The following GRIN2B variants were observed in gnomAD, a reference collection of about 807,000 sequenced individuals.
GRIN2B encodes glutamate ionotropic receptor NMDA type subunit 2B.
A neutral mutation model predicts 114.5 loss-of-function variants in GRIN2B; 5 were observed. That is an observed-to-expected ratio of 0.04 (90% CI 0.02 to 0.09). The LOEUF is 0.09. Among genes scored for constraint, GRIN2B ranks in the 10% least tolerant of loss-of-function variants. The pLI is 1.00. For synonymous variants in GRIN2B, 787 were observed against 745.1 expected (o/e 1.06, Z -0.92); for missense variants, 1,108 against 1,943.5 (o/e 0.57, Z 8.08).
At chr12:13,575,685 TAATAATAATAATCAA>T (rs1336501603) in intron 10 of GRIN2B, among the ~76,000 whole-genome samples, 2 of 150,328 alleles carry the variant, frequency 1.3e-5, no homozygotes, top group African/African-American at 4.9e-5. Context: ...ATAATAATAA[TAATAATAATAATCAA>T]AATAATCAGA....
rs1948348090 is a variant in GRIN2B at position 13,546,704 on chromosome 12, G to C, written c.*16079C>G. On this transcript the variant is annotated 3_prime_UTR_variant, in exon 14 of 14. Coordinates refer to ENST00000609686, the MANE Select transcript of GRIN2B (RefSeq NM_000834.5). ...AACAACTCACTGGGCGAGAAATTTA[G>C]AAACACTTGCCTCCTATGAACCCAG... 6.6e-6 allele frequency: 1 copy of C among 152,164 alleles called. No individual in the cohort carries two copies. Among genetic ancestry groups the C allele is most frequent in the Non-Finnish European group, 1.5e-5 (1 of 68,052 alleles). The allele number at this position is 152,164 out of a possible 1,614,324, so 9.4% of individuals were successfully genotyped here.
chr12:13,635,458 C>G (rs1482945218), intron 5 of GRIN2B, among the ~76,000 whole-genome samples: 1 of 152,174 alleles, frequency 6.6e-6, no homozygotes, highest in African/African-American at 2.4e-5. Flanking sequence ...CTGGGAGGAG[C>G]AGAGGAAGAT....
At chr12:13,968,605 A>C (rs1351405585) in intron 2 of GRIN2B, among the ~76,000 whole-genome samples, 1 of 152,230 alleles carries the variant, frequency 6.6e-6, no homozygotes, top group African/African-American at 2.4e-5. Context: ...GGTAAAGTTA[A>C]GGCACTCCAT....
intron 2 of GRIN2B, among the ~76,000 whole-genome samples, chr12:13,919,408 C>T (rs1332806842): frequency 1.3e-5 from 2 of 152,176 alleles, no homozygotes; most frequent in Non-Finnish European, 2.9e-5. Context: ...ATTTGTTTCT[C>T]TCACAACTTT....
intron 2 of GRIN2B, among the ~76,000 whole-genome samples, chr12:13,887,918 C>T (rs931892871): frequency 4.6e-5 from 7 of 152,176 alleles, no homozygotes; most frequent in African/African-American, 1.7e-4. Context: ...GACAATGGCT[C>T]TATCTTAGTG....
chr12:13,892,990 G>A (rs1181331811), intron 2 of GRIN2B, among the ~76,000 whole-genome samples: 2 of 152,162 alleles, frequency 1.3e-5, no homozygotes. Context: ...CCTGAAGTCA[G>A]AACTGAATGA....
chr12:13,615,815 A>G lies in GRIN2B; in HGVS notation c.1329-151T>C. ...ATTTATACTAGACTCGAGTGAAGAA[A>G]TAAAGCAGGCAACAGACCTGCAATA... On this transcript the variant is annotated intron_variant, in intron 6 of 13. Transcript: ENST00000609686. The surrounding 1 kb of genome is among the most constrained non-coding windows in gnomAD (Gnocchi z 5.8). The G allele has an allele frequency of 1.4e-6, 1 of 706,918 alleles. No individual in the cohort carries two copies. The highest frequency in any genetic ancestry group is 2.2e-5 in the Admixed American group (1 of 45,674). The allele number at this position is 706,918 out of a possible 1,614,324, so 43.8% of individuals were successfully genotyped here.
chr12:13,604,566 A>T (rs547331984), intron 10 of GRIN2B, among the ~76,000 whole-genome samples: 2 of 152,328 alleles, frequency 1.3e-5, no homozygotes, highest in East Asian at 3.9e-4. Flanking sequence ...CCTTGATGAA[A>T]ATCTAATCAC....
At position 13,611,741 on chromosome 12, in the gene GRIN2B, G is replaced by A; in HGVS notation, c.1764C>T (p.Cys588=). The A allele has an allele frequency of 6.2e-7, 1 of 1,613,770 alleles. No homozygotes were observed. The highest frequency in any genetic ancestry group is 8.5e-7 in the Non-Finnish European group (1 of 1,179,700). Reference sequence around the variant, plus strand: ...CGGCCTTACCTCTGCCATCAGCGAGGCACCTGTTATAACCCACAGGGCTGA... The same window carrying A: ...CGGCCTTACCTCTGCCATCAGCGAGACACCTGTTATAACCCACAGGGCTGA... ...EYFSPVGYNR[C]LADGREPGGP... is the part of the protein sequence containing the mutation. Residue 588 remains cysteine (C), a synonymous_variant, in exon 9 of 14, where the codon TGC becomes TGT. Transcript: ENST00000609686.
At chr12:13,658,814 T>C (rs1949892959) in intron 5 of GRIN2B, among the ~76,000 whole-genome samples, 1 of 148,600 alleles carries the variant, frequency 6.7e-6, no homozygotes, top group African/African-American at 2.5e-5. Flanking sequence ...GATGCATGAA[T>C]GAGAACCACC....
At chr12:13,790,504 TC>T (rs1864302455) in intron 3 of GRIN2B, among the ~76,000 whole-genome samples, 1 of 152,188 alleles carries the variant, frequency 6.6e-6, no homozygotes. Flanking sequence ...TGTTTTCACT[TC>T]CCCTTTTGAG....
At chr12:13,897,980 T>TA (rs1866379887) in intron 2 of GRIN2B, among the ~76,000 whole-genome samples, 1 of 137,286 alleles carries the variant, frequency 7.3e-6, no homozygotes, top group Non-Finnish European at 1.5e-5. Context: ...CCCTAAAACT[T>TA]AAAGTATAAT....
Position 13,734,627 on chromosome 12 carries a change from T to C in GRIN2B, c.1010+18690A>G, listed in dbSNP as rs879704232. On this transcript the variant is annotated intron_variant, in intron 4 of 13. Coordinates refer to ENST00000609686, the MANE Select transcript of GRIN2B (RefSeq NM_000834.5). ...TGGATTCATTCACATTTTCATTCAA[T>C]AGAAAATGTTTGTGTCTACTGTGCC... 3.1e-4 allele frequency among the ~76,000 whole-genome samples: 47 copies of C among 152,204 alleles called. 1 individual carries two copies. The highest frequency in any genetic ancestry group is 5.2e-4 in the Admixed American group (8 of 15,282).
chr12:13,913,225 T>C (rs1866654154), intron 2 of GRIN2B, among the ~76,000 whole-genome samples: 2 of 152,172 alleles, frequency 1.3e-5, no homozygotes, highest in African/African-American at 2.4e-5. Context: ...AAAAGTCTCA[T>C]GAAAGCACAA....
At chr12:13,812,181 AG>A (rs1864742617) in intron 3 of GRIN2B, among the ~76,000 whole-genome samples, 1 of 152,198 alleles carries the variant, frequency 6.6e-6, no homozygotes, top group African/African-American at 2.4e-5. Flanking sequence ...ATATGTACTA[AG>A]CCCCAAATTA....
At chr12:13,917,606 T>C (rs932610726) in intron 2 of GRIN2B, among the ~76,000 whole-genome samples, 6 of 152,198 alleles carry the variant, frequency 3.9e-5, no homozygotes, top group Middle Eastern at 3.4e-3. Context: ...TGGCATGCCA[T>C]TGGATTCTTA....
chr12:13,891,395 T>G (rs963799491), intron 2 of GRIN2B, among the ~76,000 whole-genome samples: 3 of 151,984 alleles, frequency 2.0e-5, no homozygotes, highest in African/African-American at 7.3e-5. Context: ...CCTGAAAAAA[T>G]TACAGGCTCC....
At chr12:13,606,282 T>G (rs1184185727) in intron 10 of GRIN2B, among the ~76,000 whole-genome samples, 1 of 152,158 alleles carries the variant, frequency 6.6e-6, no homozygotes, top group Non-Finnish European at 1.5e-5. Flanking sequence ...TTTGGGCATA[T>G]GGTGACATCC....
intron 10 of GRIN2B, among the ~76,000 whole-genome samples, chr12:13,607,293 TA>T (rs67320809): frequency 1.2e-4 from 7 of 58,076 alleles, no homozygotes; most frequent in Admixed American, 6.4e-4. Flanking sequence ...ATATATTATA[TA>T]AAAATATATA....
Sources: gnomAD v4.1 joint callset for allele counts (sites outside exome capture counted in the v4.1 genomes callset) on GRCh38, gnomAD v4.1.1 for gene constraint, Gnocchi (gnomAD v3.1) non-coding constraint, MANE v1.5 for transcripts, NCBI Gene and HGNC (gene_info 2026-07-23, HGNC 2026-07-21) for gene names.